ASAP2: variants seen among roughly 807,000 people sequenced by gnomAD.
ASAP2 encodes ArfGAP with SH3 domain, ankyrin repeat and PH domain 2.
A neutral mutation model predicts 131.4 loss-of-function variants in ASAP2; 45 were observed. That is an observed-to-expected ratio of 0.34 (90% CI 0.27 to 0.44). The LOEUF (loss-of-function observed/expected upper bound fraction) is 0.44. Ranked by LOEUF, ASAP2 falls within the 20% of genes least tolerant of loss-of-function variation. The pLI is 1.00. For synonymous variants in ASAP2, 510 were observed against 503.0 expected, an observed-to-expected ratio of 1.01 and a Z score of -0.19; for missense variants, 1,011 against 1,297.0, an observed-to-expected ratio of 0.78 and a Z score of 3.39.
intron 9 of ASAP2, among the ~76,000 whole-genome samples, chr2:9,336,432 C>T (rs1671207791): frequency 6.6e-6 from 1 of 152,158 alleles, no homozygotes; most frequent in African/African-American, 2.4e-5. Context: ...TTGAATGCCC[C>T]ATTTGAATCA....
chr2:9,371,049 G>T (rs1480034301), intron 16 of ASAP2, among the ~76,000 whole-genome samples: 1 of 152,212 alleles, frequency 6.6e-6, no homozygotes. Flanking sequence ...AGGGCATTTG[G>T]TTGTTCTGGG....
chr2:9,312,503 T>A (rs1476038841), intron 3 of ASAP2, among the ~76,000 whole-genome samples: 1 of 152,192 alleles, frequency 6.6e-6, no homozygotes, highest in Non-Finnish European at 1.5e-5. Context: ...TGAAGGTCTG[T>A]CTCACATCCA....
At chr2:9,227,776 C>T (rs2148011138) in intron 1 of ASAP2, among the ~76,000 whole-genome samples, 1 of 152,314 alleles carries the variant, frequency 6.6e-6, no homozygotes, top group East Asian at 1.9e-4. Context: ...CGTGCATATA[C>T]AAAGATTCTA....
At chr2:9,312,082 T>G (rs910593962) in intron 3 of ASAP2, among the ~76,000 whole-genome samples, 1 of 152,198 alleles carries the variant, frequency 6.6e-6, no homozygotes, top group East Asian at 1.9e-4. Context: ...ACATCAGTGA[T>G]TTCCAGTAAC....
At chr2:9,253,892 C>T (rs900380399) in intron 1 of ASAP2, among the ~76,000 whole-genome samples, 6 of 151,838 alleles carry the variant, frequency 4.0e-5, no homozygotes, top group Admixed American at 3.9e-4. Context: ...AGAAAGAGAC[C>T]ACATTCACAT....
intron 1 of ASAP2, among the ~76,000 whole-genome samples, chr2:9,270,349 G>T (rs1356711931): frequency 2.0e-5 from 3 of 152,150 alleles, no homozygotes; most frequent in Admixed American, 2.0e-4. Context: ...AGAATTCTCA[G>T]CCTGATGGGT....
At chr2:9,275,635 C>G (rs747950048) in intron 1 of ASAP2, among the ~76,000 whole-genome samples, 1 of 152,184 alleles carries the variant, frequency 6.6e-6, no homozygotes, top group Non-Finnish European at 1.5e-5. Flanking sequence ...ATTACCCTCC[C>G]TGTGGCCTGA....
rs748043170 is a variant in ASAP2, at chr2:9,401,430, G to T, written c.2946+34G>T. 107 of 1,608,030 alleles carry T rather than the reference G, an allele frequency of 6.7e-5. No homozygotes were observed. In the South Asian group the frequency reaches 8.5e-4, roughly 13 times the overall value. ...AGGGTGGGCCTGGGAGGTTCCTGGG[G>T]GCTGAGCCACGTCCCTGCCCACCTG... is the stretch of plus-strand genomic sequence containing the variant. On this transcript the variant is annotated intron_variant, in intron 27 of 27. Transcript: ENST00000281419.
Position 9,323,156 on chromosome 2 carries a change from A to G in ASAP2, c.506A>G (p.Lys169Arg). ...GAAAAGGAGAAAAAGGAACACGCCA[A>G]GCTCCATGGGATGATTCGGACTGAA... Reference protein sequence around the residue: ...KIEKEKKEHAKLHGMIRTEIS... With the variant: ...KIEKEKKEHARLHGMIRTEIS... Residue 169 changes from lysine to arginine, a missense_variant, in exon 6 of 28, where the codon AAG becomes AGG. Coordinates refer to ENST00000281419, the MANE Select transcript of ASAP2 (RefSeq NM_003887.3). The G allele has an allele frequency of 4.3e-6, 7 of 1,614,244 alleles. No individual in the cohort carries two copies. Among genetic ancestry groups the G allele is most frequent in the Non-Finnish European group, 5.9e-6 (7 of 1,180,046 alleles).
At position 9,249,986 on chromosome 2, in the gene ASAP2, T is replaced by C. The variant is rs538740131; in HGVS notation, c.127-29331T>C. 2.6e-5 allele frequency among the ~76,000 whole-genome samples: 4 copies of C among 152,310 alleles called. No homozygotes were observed. In the South Asian group the frequency reaches 8.3e-4, roughly 32 times the overall value. ...TGTGGAAGGAAGGCAGGGCTTGGGG[T>C]CAAATCTGGGTATACAACTCTTCCC... is the stretch of plus-strand genomic sequence containing the variant. On this transcript the variant is annotated intron_variant, in intron 1 of 27. Transcript: ENST00000281419.
intron 9 of ASAP2, 111 bp downstream of exon 9, chr2:9,335,290 G>T: frequency 1.1e-6 from 1 of 873,904 alleles, no homozygotes; most frequent in Non-Finnish European, 1.9e-6. Flanking sequence ...CACTCGGGCT[G>T]TGTCAGGCAC....
chr2:9,313,515 C>T (rs1355693732), intron 3 of ASAP2, among the ~76,000 whole-genome samples: 3 of 152,240 alleles, frequency 2.0e-5, no homozygotes, highest in African/African-American at 7.2e-5. Flanking sequence ...TTCTTCCCCA[C>T]AACCCACCTT....
At position 9,246,635 on chromosome 2, in the gene ASAP2, G is replaced by A. The variant is rs530480585; in HGVS notation, c.127-32682G>A. The stretch of plus-strand genomic sequence containing the variant: ...TCACCTGTGCATAAAGTTGCATCCT[G>A]CATTCAGAATAAAGAGAACCGTGAG... On this transcript the variant is annotated intron_variant, in intron 1 of 27. Coordinates refer to ENST00000281419, the MANE Select transcript of ASAP2 (RefSeq NM_003887.3). 2.5e-4 allele frequency among the ~76,000 whole-genome samples: 38 copies of A among 152,256 alleles called. 1 individual carries two copies. The East Asian group carries it at 2.9e-3, about 12-fold the overall frequency.
Position 9,374,816 on chromosome 2 carries a change from C to T in ASAP2, c.1618C>T (p.His540Tyr), listed in dbSNP as rs377096338. The T allele has an allele frequency of 4.0e-5, 65 of 1,613,352 alleles. No individual in the cohort carries two copies. The highest frequency in any genetic ancestry group is 5.0e-5 in the Admixed American group (3 of 59,806). The change falls in exon 17 of 28, where the codon CAC becomes TAC. Residue 540 changes from histidine (H) to tyrosine (Y), a missense_variant. Transcript: ENST00000281419. ...YIERRYARKK[H>Y]ADNAAKLHSL... ...CGAGAGGAGATACGCAAGGAAGAAGCACGCGGATAACGCGGCGAAGCTTCA... is the reference window on the plus strand; with the variant it reads ...CGAGAGGAGATACGCAAGGAAGAAGTACGCGGATAACGCGGCGAAGCTTCA...
At chr2:9,316,943 ACT>A (rs1180288690) in intron 3 of ASAP2, among the ~76,000 whole-genome samples, 4 of 65,406 alleles carry the variant, frequency 6.1e-5, no homozygotes, top group East Asian at 4.6e-4. Context: ...TCACACCCTC[ACT>A]CTCACACCCT....
intron 16 of ASAP2, among the ~76,000 whole-genome samples, chr2:9,370,549 C>T (rs1017550211): frequency 6.6e-6 from 1 of 152,176 alleles, no homozygotes; most frequent in African/African-American, 2.4e-5. Flanking sequence ...AGCCATGGGA[C>T]ACCGGCAGAT....
chr2:9,400,050 C>A lies in ASAP2; in HGVS notation c.2712C>A (p.Asn904Lys), dbSNP rs1327042155. Residue 904 changes from asparagine to lysine, a missense_variant, in exon 25 of 28, where the codon AAC becomes AAA. Physicochemically the swap from Asn to Lys is moderately conservative, Grantham distance 94 (BLOSUM62 0). Coordinates refer to ENST00000281419, the MANE Select transcript of ASAP2 (RefSeq NM_003887.3). Reference sequence around the variant, plus strand: ...CTGACAAGTCCACCCCACTGACCAACAAAGGCCAACCGAGAGGACCTGGTA... The same window carrying A: ...CTGACAAGTCCACCCCACTGACCAAAAAAGGCCAACCGAGAGGACCTGGTA... ...PGADKSTPLT[N>K]KGQPRGPVDL... The A allele has an allele frequency of 6.2e-7, 1 of 1,613,438 alleles. No homozygotes were observed. Among genetic ancestry groups the A allele is most frequent in the African/African-American group, 1.3e-5 (1 of 74,936 alleles).
At position 9,367,027 on chromosome 2, in the gene ASAP2, A is replaced by ATTTTTTTTTT. The variant is rs1171661319; in HGVS notation, c.1462-1389_1462-1380dup. ...GTTTGTTAACTCCTTTGCCTGCATAATTTTTTTTTTTTTTTTTTGTAGAGA... is the reference window on the plus strand; with the variant it reads ...GTTTGTTAACTCCTTTGCCTGCATAATTTTTTTTTTTTTTTTTTTTTTTTTTTTGTAGAGA... On this transcript the variant is annotated intron_variant, in intron 15 of 27. Transcript: ENST00000281419. 4.5e-4 allele frequency among the ~76,000 whole-genome samples: 60 copies of ATTTTTTTTTT among 132,926 alleles called. 2 individuals are homozygous for ATTTTTTTTTT. Among genetic ancestry groups the ATTTTTTTTTT allele is most frequent in the Middle Eastern group, 3.8e-3 (1 of 260 alleles). The allele number at this position is 132,926 out of a possible 152,430, so 87.2% of individuals were successfully genotyped here.
chr2:9,369,750 C>G (rs112871861), intron 16 of ASAP2, among the ~76,000 whole-genome samples: 3 of 152,206 alleles, frequency 2.0e-5, no homozygotes, highest in African/African-American at 2.4e-5. Context: ...ATTAATGACA[C>G]GAGTCTTCCC....
Sources: gnomAD v4.1 joint callset for allele counts (sites outside exome capture counted in the v4.1 genomes callset) on GRCh38, gnomAD v4.1.1 for gene constraint, MANE v1.5 for transcripts, NCBI Gene and HGNC (gene_info 2026-07-23, HGNC 2026-07-21) for gene names.